RYR2: variants seen among roughly 807,000 people sequenced by gnomAD.
RYR2 encodes the protein cardiac muscle ryanodine receptor-calcium release channel.
Under a neutral mutation model 601.1 loss-of-function variants are expected in RYR2, and 227 were observed. The ratio of observed to expected loss-of-function variants is 0.38; its 90% CI spans 0.34 to 0.42. The LOEUF (loss-of-function observed/expected upper bound fraction) is 0.42, where lower values mean the gene tolerates loss of function less well. Ranked by LOEUF, RYR2 falls within the 10% of genes least tolerant of loss-of-function variation. RYR2 has a pLI of 1.00. For synonymous variants in RYR2, 2,223 were observed against 2,175.1 expected (o/e 1.02, Z -0.61); for missense variants, 4,646 against 6,156.5 (o/e 0.75, Z 8.21).
intron 63 of RYR2, 73 bp downstream of exon 63, chr1:237,687,577 G>A (rs1346257934): frequency 9.0e-7 from 1 of 1,108,394 alleles, no homozygotes; most frequent in African/African-American, 1.5e-5. Context: ...ACTGTGTTGT[G>A]TGCTGCTATG....
At chr1:237,649,310 T>C (rs1469571900) in intron 49 of RYR2, among the ~76,000 whole-genome samples, 2 of 152,208 alleles carry the variant, frequency 1.3e-5, no homozygotes, top group African/African-American at 4.8e-5. Context: ...TCATGAAATA[T>C]ATGAGAGCAG....
At chr1:237,193,444 A>T (rs2149010656) in intron 1 of RYR2, among the ~76,000 whole-genome samples, 1 of 152,266 alleles carries the variant, frequency 6.6e-6, no homozygotes, top group South Asian at 2.1e-4. Flanking sequence ...TGGGCAACAG[A>T]GTGGGACTCC....
chr1:237,294,527 T>C (rs1022138688), intron 2 of RYR2, among the ~76,000 whole-genome samples: 5 of 152,074 alleles, frequency 3.3e-5, no homozygotes, highest in Non-Finnish European at 5.9e-5. Flanking sequence ...TTGGTGTCTA[T>C]TGAGAAAATG....
At chr1:237,831,101 T>G (rs1383534343) in intron 103 of RYR2, among the ~76,000 whole-genome samples, 1 of 152,172 alleles carries the variant, frequency 6.6e-6, no homozygotes, top group Non-Finnish European at 1.5e-5. Context: ...TATAGTTTGG[T>G]AAAATGCTAT....
chr1:237,810,620 A>C (rs1184833103), intron 100 of RYR2, among the ~76,000 whole-genome samples: 1 of 152,096 alleles, frequency 6.6e-6, no homozygotes, highest in African/African-American at 2.4e-5. Flanking sequence ...CTAGTACTTT[A>C]CCTAAAGGTT....
rs543022236 is a variant in RYR2, at chr1:237,119,340, TA to T, written c.48+76773del. On this transcript the variant is annotated intron_variant, in intron 1 of 104. Coordinates refer to ENST00000366574, the MANE Select transcript of RYR2 (RefSeq NM_001035.3). ...GGACTGTGAGACAAGACGTTCCTAT[TA>T]AGTCAGTCAGTCTGTGGTACTTGGT... Among the ~76,000 whole-genome samples, 163 of 152,334 alleles carry T rather than the reference TA, an allele frequency of 1.1e-3. 1 individual carries two copies. Among genetic ancestry groups the T allele is most frequent in the African/African-American group, 3.8e-3 (157 of 41,576 alleles).
chr1:237,260,021 G>A (rs1688365580), intron 1 of RYR2, among the ~76,000 whole-genome samples: 1 of 152,178 alleles, frequency 6.6e-6, no homozygotes, highest in Admixed American at 6.5e-5. Context: ...TTGGTTTTTA[G>A]TTCATGCATA....
chr1:237,526,675 G>GT (rs1216360478), intron 24 of RYR2, among the ~76,000 whole-genome samples: 1 of 152,038 alleles, frequency 6.6e-6, no homozygotes, highest in Non-Finnish European at 1.5e-5. Context: ...ACAGTTGTTT[G>GT]TTTTTTTCCT....
intron 14 of RYR2, among the ~76,000 whole-genome samples, chr1:237,449,143 T>A (rs1473909105): frequency 6.6e-6 from 1 of 152,186 alleles, no homozygotes; most frequent in Non-Finnish European, 1.5e-5. Flanking sequence ...AAGAACACTT[T>A]GTCATTGTCC....
chr1:237,828,444 A>G lies in RYR2; in HGVS notation c.14654A>G (p.Glu4885Gly). 1 of 1,555,968 alleles carries G rather than the reference A, an allele frequency of 6.4e-7. No homozygotes were observed. Among genetic ancestry groups the G allele is most frequent in the Non-Finnish European group, 8.7e-7 (1 of 1,146,192 alleles). Residue 4885 changes from glutamate to glycine, a missense_variant and splice_region_variant, in exon 102 of 105, where the codon GAG (glutamate) becomes GGG (glycine). By Grantham distance (98) the Glu-to-Gly change is moderately conservative. This residue lies in a region of RYR2 where 55 missense variants were observed against 204.7 expected (regional missense o/e 0.27). Coordinates refer to ENST00000366574, the MANE Select transcript of RYR2 (RefSeq NM_001035.3). ...DQQEQVKEDM[E>G]TKCFICGIGN... is the part of the protein sequence containing the mutation. The stretch of plus-strand genomic sequence containing the variant: ...CAGGAACAAGTCAAAGAAGACATGG[A>G]GGTAAGCTTCTCCATTCATGACTCA...
chr1:237,785,799 C>T (rs886942739), intron 90 of RYR2, among the ~76,000 whole-genome samples, 170 bp from the exon 91 acceptor site: 11 of 152,050 alleles, frequency 7.2e-5, no homozygotes, highest in Admixed American at 5.2e-4. Flanking sequence ...GCAGAAGAAG[C>T]GGGAGATGTT....
chr1:237,223,430 G>A (rs1684037828), intron 1 of RYR2, among the ~76,000 whole-genome samples: 1 of 152,168 alleles, frequency 6.6e-6, no homozygotes, highest in African/African-American at 2.4e-5. Context: ...ATGAATTTTG[G>A]AGAGGATACA....
At chr1:237,384,836 T>C (rs1465021389) in intron 8 of RYR2, among the ~76,000 whole-genome samples, 1 of 152,206 alleles carries the variant, frequency 6.6e-6, no homozygotes, top group Non-Finnish European at 1.5e-5. Flanking sequence ...GATTATGATT[T>C]ACACAGCATT....
intron 32 of RYR2, 75 bp downstream of exon 32, chr1:237,591,928 G>A (rs201803870): frequency 4.6e-5 from 43 of 943,318 alleles, no homozygotes; most frequent in East Asian, 3.1e-4. Context: ...AATACATACC[G>A]ATTCATCATA....
chr1:237,085,603 AGATT>A (rs1250512110), intron 1 of RYR2, among the ~76,000 whole-genome samples: 2 of 152,208 alleles, frequency 1.3e-5, no homozygotes, highest in Non-Finnish European at 2.9e-5. Context: ...CTATTTGATT[AGATT>A]GCTTTCCTAA....
At chr1:237,752,155 G>T (rs764884926) in intron 80 of RYR2, among the ~76,000 whole-genome samples, 2 of 152,044 alleles carry the variant, frequency 1.3e-5, no homozygotes, top group African/African-American at 2.4e-5. Flanking sequence ...AAGAAAGCCC[G>T]CTCTCTTCAT....
rs548920753 is a variant in RYR2 at position 237,285,197 on chromosome 1, A to G, written c.168+14581A>G. On this transcript the variant is annotated intron_variant, in intron 2 of 104. Coordinates refer to ENST00000366574, the MANE Select transcript of RYR2 (RefSeq NM_001035.3). ...TAGATGGCTTTTATTACATTAAGGT[A>G]TGTCCCTTGTATGCTGATTTTGCTG... 2.6e-5 allele frequency among the ~76,000 whole-genome samples: 4 copies of G among 152,218 alleles called. No individual in the cohort carries two copies. The East Asian group carries it at 5.8e-4, about 22-fold the overall frequency.
intron 71 of RYR2, among the ~76,000 whole-genome samples, chr1:237,714,296 T>G (rs1689079419): frequency 6.6e-6 from 1 of 152,162 alleles, no homozygotes; most frequent in Admixed American, 6.5e-5. Context: ...ATGATAAAGT[T>G]AAAATACAGC....
At chr1:237,295,709 G>C (rs1163212371) in intron 2 of RYR2, among the ~76,000 whole-genome samples, 1 of 152,184 alleles carries the variant, frequency 6.6e-6, no homozygotes, top group Non-Finnish European at 1.5e-5. Context: ...ATGTAATTGG[G>C]ATCTTTTAAT....
Sources: allele counts gnomAD v4.1 joint callset (sites outside exome capture counted in the v4.1 genomes callset), GRCh38; gene constraint gnomAD v4.1.1; regional missense constraint gnomAD v4.1.1; transcripts MANE v1.5; gene names NCBI Gene and HGNC (gene_info 2026-07-23, HGNC 2026-07-21).